Variants in INPP5A observed in about 807,000 individuals in gnomAD.
INPP5A encodes inositol polyphosphate-5-phosphatase A.
A neutral mutation model predicts 65.2 loss-of-function variants in INPP5A; 14 were observed. The observed-to-expected ratio is 0.21, with a 90% CI of 0.14 to 0.34. INPP5A has a LOEUF of 0.34. Ranked by LOEUF, INPP5A falls within the 10% of genes least tolerant of loss-of-function variation. INPP5A has a pLI of 1.00. For missense variants in INPP5A, 431 were observed against 545.6 expected (o/e 0.79, Z 2.09); for synonymous variants, 207 against 208.3 (o/e 0.99, Z 0.05).
intron 2 of INPP5A, 90 bp downstream of exon 2, chr10:132,608,046 T>C: frequency 8.4e-7 from 1 of 1,194,930 alleles, no homozygotes; most frequent in Non-Finnish European, 1.2e-6. Flanking sequence ...GAGTCTGGTG[T>C]GTCTATGGGG....
chr10:132,607,527 G>A (rs181252261), intron 1 of INPP5A, among the ~76,000 whole-genome samples: 75 of 152,378 alleles, frequency 4.9e-4, no homozygotes, highest in African/African-American at 1.8e-3. Context: ...AGGCAGGGGC[G>A]GGTGTGGAAA....
At chr10:132,655,265 A>G (rs1377033398) in intron 4 of INPP5A, among the ~76,000 whole-genome samples, 1 of 152,172 alleles carries the variant, frequency 6.6e-6, no homozygotes, top group Non-Finnish European at 1.5e-5. Flanking sequence ...TACCCCTGGG[A>G]ACACATGTCC....
intron 8 of INPP5A, among the ~76,000 whole-genome samples, chr10:132,718,237 A>G (rs368804469): frequency 9.7e-3 from 580 of 59,742 alleles, no homozygotes; most frequent in Middle Eastern, 0.059. Context: ...CTGTCTGGGC[A>G]CCTTAGACGG....
At chr10:132,578,970 G>A (rs1046204863) in intron 1 of INPP5A, among the ~76,000 whole-genome samples, 24 of 152,206 alleles carry the variant, frequency 1.6e-4, no homozygotes, top group Non-Finnish European at 3.2e-4. Flanking sequence ...TTTAAGTGCT[G>A]GAGCTGCCTC....
intron 2 of INPP5A, among the ~76,000 whole-genome samples, chr10:132,643,871 G>A (rs552949141): frequency 4.6e-5 from 7 of 152,238 alleles, no homozygotes; most frequent in Admixed American, 1.3e-4. Flanking sequence ...ACAGGGGGTC[G>A]TGGAGGCTCC....
chr10:132,583,735 G>A (rs1199660811), intron 1 of INPP5A, among the ~76,000 whole-genome samples: 3 of 152,118 alleles, frequency 2.0e-5, no homozygotes, highest in Non-Finnish European at 2.9e-5. Context: ...TTAGTTAAAC[G>A]AAACTAGTGT....
rs1191416895 is a variant in INPP5A, at chr10:132,603,262, C to T, written c.76-4653C>T. On this transcript the variant is annotated intron_variant, in intron 1 of 15. Transcript: ENST00000368594. The surrounding 1 kb of genome is among the most constrained non-coding windows in gnomAD (Gnocchi z 4.2). ...TCTATTAGGGGCTGTATAGCAAACA[C>T]GCTAAAGATCATCTCAGTTTTTTAG... 6.6e-6 allele frequency among the ~76,000 whole-genome samples: 1 copy of T among 152,136 alleles called. No homozygotes were observed. The highest frequency in any genetic ancestry group is 1.5e-5 in the Non-Finnish European group (1 of 68,030).
chr10:132,664,831 C>T (rs555463876), intron 4 of INPP5A, among the ~76,000 whole-genome samples: 2 of 152,366 alleles, frequency 1.3e-5, no homozygotes, highest in East Asian at 3.9e-4. Context: ...GAGAAAGTGG[C>T]TCCCATCCTG....
chr10:132,689,128 C>T (rs1191023266), intron 4 of INPP5A, among the ~76,000 whole-genome samples: 3 of 152,178 alleles, frequency 2.0e-5, no homozygotes, highest in Non-Finnish European at 4.4e-5. Context: ...CAGGCGTTGC[C>T]CTTGTGTTGC....
intron 1 of INPP5A, among the ~76,000 whole-genome samples, chr10:132,553,416 G>C (rs564861164): frequency 4.3e-4 from 62 of 143,144 alleles, no homozygotes; most frequent in South Asian, 1.4e-3. Context: ...ATATTGAGTA[G>C]GATAGGGAGG....
At chr10:132,712,911 C>T (rs2134539314) in intron 8 of INPP5A, among the ~76,000 whole-genome samples, 1 of 135,650 alleles carries the variant, frequency 7.4e-6, no homozygotes, top group African/African-American at 2.9e-5. Context: ...TAGGTGTGTG[C>T]ATGTGTGTGG....
intron 8 of INPP5A, 35 bp downstream of exon 8, chr10:132,710,491 C>G (rs760920963): frequency 6.2e-6 from 10 of 1,600,118 alleles, no homozygotes; most frequent in African/African-American, 1.4e-5. Context: ...GTGGGCCGGG[C>G]AAGTAGGTGT....
Position 132,745,460 on chromosome 10 carries a change from C to A in INPP5A, c.733-4057C>A, listed in dbSNP as rs142148526. On this transcript the variant is annotated intron_variant, in intron 9 of 15. Coordinates refer to ENST00000368594, the MANE Select transcript of INPP5A (RefSeq NM_005539.5). ...TCGAGCCTGATTGCTTTTCCAGTGC[C>A]TGAGCTGCACCCCTGGGATCCCAGC... 2.1e-3 allele frequency among the ~76,000 whole-genome samples: 322 copies of A among 150,890 alleles called. 1 individual carries two copies. Among genetic ancestry groups the A allele is most frequent in the African/African-American group, 7.1e-3 (293 of 41,418 alleles).
In INPP5A at chr10:132,741,105, C is replaced by T. The variant is rs938613856; in HGVS notation, c.733-8412C>T. 2.6e-5 allele frequency among the ~76,000 whole-genome samples: 4 copies of T among 152,118 alleles called. No homozygotes were observed. Among genetic ancestry groups the T allele is most frequent in the Admixed American group, 2.0e-4 (3 of 15,270 alleles). ...AAAATTAGCCAGGCATTGTGGGGCA[C>T]GCCTGTAGTCCCAGATACTCAGGAG... On this transcript the variant is annotated intron_variant, in intron 9 of 15. Coordinates refer to ENST00000368594, the MANE Select transcript of INPP5A (RefSeq NM_005539.5). The surrounding 1 kb of genome is among the most constrained non-coding windows in gnomAD (Gnocchi z 4.4).
intron 1 of INPP5A, among the ~76,000 whole-genome samples, chr10:132,578,133 G>T (rs2071431791): frequency 6.6e-6 from 1 of 152,200 alleles, no homozygotes; most frequent in Non-Finnish European, 1.5e-5. Flanking sequence ...TTTCACCATT[G>T]GGAGATTATT....
At chr10:132,755,817 G>A (rs55830011) in intron 11 of INPP5A, among the ~76,000 whole-genome samples, 2,692 of 152,286 alleles carry the variant, frequency 0.018, 40 homozygotes, top group South Asian at 0.038. Flanking sequence ...GGCCTGACAC[G>A]GCTCTGCAGG....
intron 1 of INPP5A, among the ~76,000 whole-genome samples, chr10:132,606,766 A>G (rs2071859510): frequency 6.6e-6 from 1 of 152,132 alleles, no homozygotes; most frequent in Non-Finnish European, 1.5e-5. Context: ...ACGGCCACGG[A>G]GGCTGAGACC....
chr10:132,717,743 C>T (rs987256150), intron 8 of INPP5A, among the ~76,000 whole-genome samples: 4 of 140,258 alleles, frequency 2.9e-5, no homozygotes, highest in Non-Finnish European at 3.0e-5. Flanking sequence ...CAGCTGTCTT[C>T]AGGGTTCTGT....
intron 8 of INPP5A, among the ~76,000 whole-genome samples, chr10:132,717,261 G>A (rs559576020): frequency 2.6e-4 from 40 of 151,828 alleles, no homozygotes; most frequent in African/African-American, 8.9e-4. Context: ...CCCCACCCCC[G>A]TGACCTCAGG....
Sources: allele counts gnomAD v4.1 joint callset (sites outside exome capture counted in the v4.1 genomes callset), GRCh38; gene constraint gnomAD v4.1.1; non-coding constraint Gnocchi (gnomAD v3.1); transcripts MANE v1.5; gene names NCBI Gene and HGNC (gene_info 2026-07-23, HGNC 2026-07-21).